The following STAB1 variants were observed in gnomAD, a reference collection of about 807,000 sequenced individuals.
The protein encoded by STAB1 is stabilin 1.
A neutral mutation model predicts 332.4 loss-of-function variants in STAB1; 250 were observed. The observed-to-expected ratio is 0.75, with a 90% CI of 0.68 to 0.84. STAB1 has a LOEUF of 0.84. Among genes scored for constraint, STAB1 ranks in the 40% least tolerant of loss-of-function variants. The pLI is 0.00. For synonymous variants in STAB1, 1,475 were observed against 1,390.4 expected (o/e 1.06, Z -1.35); for missense variants, 3,249 against 3,489.7 (o/e 0.93, Z 1.74).
At position 52,520,487 on chromosome 3, in the gene STAB1, C is replaced by G; in HGVS notation, c.5587C>G (p.Leu1863Val). The G allele has an allele frequency of 6.2e-7, 1 of 1,612,658 alleles. No homozygotes were observed. Among genetic ancestry groups the G allele is most frequent in the East Asian group, 2.2e-5 (1 of 44,878 alleles). The change falls in exon 53 of 69, where the codon CTG becomes GTG. Residue 1863 changes from leucine to valine, a missense_variant. Physicochemically the swap from Leu to Val is conservative, Grantham distance 32. Coordinates refer to ENST00000321725, the MANE Select transcript of STAB1 (RefSeq NM_015136.3). ...TGGCCTGGCCTATGGCATCGACCAG[C>G]TGCTGGAGCCACCTGGCCTTGGTGC... ...EGGLAYGIDQ[L>V]LEPPGLGARC...
In STAB1 at chr3:52,519,317, C is replaced by G. The variant is rs148690473; in HGVS notation, c.5088C>G (p.Ala1696=). 98 of 1,613,014 alleles carry G rather than the reference C, an allele frequency of 6.1e-5. No homozygotes were observed. In the African/African-American group the frequency reaches 1.0e-3, roughly 17 times the overall value. The stretch of plus-strand genomic sequence containing the variant: ...GCGTGGTGAGCAGCGACCATGAGGC[C>G]GTGAACGGCATCCTGCACTTCATTG... ...FARVVSSDHE[A]VNGILHFIDR... Residue 1696 remains alanine, a synonymous_variant, in exon 49 of 69, where the codon GCC becomes GCG. Coordinates refer to ENST00000321725, the MANE Select transcript of STAB1 (RefSeq NM_015136.3).
At position 52,520,451 on chromosome 3, in the gene STAB1, C is replaced by A; in HGVS notation, c.5551C>A (p.Pro1851Thr). 4 of 1,612,794 alleles carry A rather than the reference C, an allele frequency of 2.5e-6. No individual in the cohort carries two copies. The highest frequency in any genetic ancestry group is 3.4e-6 in the Non-Finnish European group (4 of 1,179,882). ...TGCTCGCATTGTGCAGCGGCACTTG[C>A]CCTTTGAGGGTGGCCTGGCCTATGG... ...DDARIVQRHL[P>T]FEGGLAYGID... Residue 1851 changes from proline (P) to threonine (T), a missense_variant, in exon 53 of 69, where the codon CCC (proline) becomes ACC (threonine). Pro to Thr is a conservative substitution (Grantham distance 38). Transcript: ENST00000321725.
chr3:52,513,294 G>C, intron 30 of STAB1, 53 bp downstream of exon 30: 1 of 1,499,762 alleles, frequency 6.7e-7, no homozygotes, highest in Non-Finnish European at 9.0e-7. Flanking sequence ...ATGGGAGGGA[G>C]CCTGAGTGGC....
intron 41 of STAB1, 102 bp downstream of exon 41, chr3:52,516,870 C>T: frequency 6.3e-7 from 1 of 1,595,358 alleles, no homozygotes; most frequent in Non-Finnish European, 8.6e-7. Flanking sequence ...CTCACTGTCC[C>T]ATCTCAGGAC....
chr3:52,506,390 G>A, intron 17 of STAB1, 140 bp downstream of exon 17: 1 of 828,648 alleles, frequency 1.2e-6, no homozygotes, highest in East Asian at 2.7e-5. Flanking sequence ...GAAGGAAGCA[G>A]GCAGAGATCA....
chr3:52,512,851 C>A lies in STAB1; in HGVS notation c.3051C>A (p.Ala1017=). The A allele has an allele frequency of 1.9e-6, 3 of 1,609,956 alleles. No individual in the cohort carries two copies. Among genetic ancestry groups the A allele is most frequent in the Non-Finnish European group, 2.5e-6 (3 of 1,179,864 alleles). The change falls in exon 29 of 69, where the codon GCC becomes GCA. Residue 1017 remains alanine (A), a synonymous_variant. Coordinates refer to ENST00000321725, the MANE Select transcript of STAB1 (RefSeq NM_015136.3). ...WLKSAGITLP[A]DRRVTALVPS... is the part of the protein sequence containing the mutation. Reference sequence around the variant, plus strand: ...AGAGTGCCGGCATCACGCTTCCTGCCGACCGCCGAGTCACAGCCCTGGTGC... The same window carrying A: ...AGAGTGCCGGCATCACGCTTCCTGCAGACCGCCGAGTCACAGCCCTGGTGC...
chr3:52,524,427 G>A lies in STAB1; in HGVS notation c.*71G>A. ...TTTTATTGCTTGTCTGGGTGGATGGGGCAGGAGGGGCTGAGGGCCTGTCCC... is the reference window on the plus strand; with the variant it reads ...TTTTATTGCTTGTCTGGGTGGATGGAGCAGGAGGGGCTGAGGGCCTGTCCC... On this transcript the variant is annotated 3_prime_UTR_variant, in exon 69 of 69. Transcript: ENST00000321725. 6.2e-7 allele frequency: 1 copy of A among 1,612,176 alleles called. No homozygotes were observed. The highest frequency in any genetic ancestry group is 8.5e-7 in the Non-Finnish European group (1 of 1,179,330).
At position 52,520,861 on chromosome 3, in the gene STAB1, C is replaced by T. The variant is rs906044245; in HGVS notation, c.5764C>T (p.His1922Tyr). ...GAAGTTCTGGACGTCCCCTCCGCTG[C>T]ACTCTTTGGGATTACGCAGCGTCTG... ...YPKFWTSPPL[H>Y]SLGLRSVWVH... The change falls in exon 55 of 69, where the codon CAC becomes TAC. Residue 1922 changes from histidine to tyrosine, a missense_variant. His to Tyr is a moderately conservative substitution (Grantham distance 83). Transcript: ENST00000321725. 1.9e-6 allele frequency: 3 copies of T among 1,612,694 alleles called. No individual in the cohort carries two copies. Among genetic ancestry groups the T allele is most frequent in the South Asian group, 1.1e-5 (1 of 91,084 alleles).
At chr3:52,510,292 C>T in intron 24 of STAB1, 57 bp downstream of exon 24, 4 of 1,613,828 alleles carry the variant, frequency 2.5e-6, no homozygotes, top group South Asian at 2.2e-5. Context: ...GGTGGGATGC[C>T]CTGGCCCTCT....
At position 52,521,941 on chromosome 3, in the gene STAB1, T is replaced by C. The variant is rs9853056; in HGVS notation, c.6261T>C (p.Arg2087=). The C allele has an allele frequency of 0.56, 897,104 of 1,607,774 alleles. 254,042 individuals are homozygous for C. The highest frequency in any genetic ancestry group is 0.71 in the African/African-American group (53,365 of 74,906). ...ECSLGYEGDG[R]VCTVADLCQD... ...GCCTGGGCTATGAAGGGGATGGCCG[T>C]GTGTGTACAGGTAAGCAGATGGGCG... Residue 2087 remains arginine (R), a synonymous_variant, in exon 58 of 69, where the codon CGT becomes CGC. Coordinates refer to ENST00000321725, the MANE Select transcript of STAB1 (RefSeq NM_015136.3).
At position 52,517,323 on chromosome 3, in the gene STAB1, T is replaced by C. The variant is rs756996216; in HGVS notation, c.4493T>C (p.Ile1498Thr). The change falls in exon 43 of 69, where the codon ATT becomes ACT. Residue 1498 changes from isoleucine (I) to threonine (T), a missense_variant. Transcript: ENST00000321725. ...ATCCCAGTGTCTCTTCCCCCAGAAATTAACAGCTGTCTCATCCACCACGGG... is the reference window on the plus strand; with the variant it reads ...ATCCCAGTGTCTCTTCCCCCAGAAACTAACAGCTGTCTCATCCACCACGGG... The part of the protein sequence containing the change: ...YMGDGELCQE[I>T]NSCLIHHGGC... 3.2e-6 allele frequency: 5 copies of C among 1,577,332 alleles called. No homozygotes were observed. In the East Asian group the frequency reaches 1.1e-4, roughly 35 times the overall value.
intron 30 of STAB1, among the ~76,000 whole-genome samples, chr3:52,513,484 C>T (rs765719109): frequency 1.2e-4 from 19 of 152,328 alleles, no homozygotes; most frequent in Non-Finnish European, 2.6e-4. Context: ...CACACCCGCC[C>T]CTGTCACCAC....
Position 52,514,694 on chromosome 3 carries a change from TC to T in STAB1, c.3679-3del, listed in dbSNP as rs1559702089. Reference sequence around the variant, plus strand: ...TGGGTGGATTCAGCCTCCATCCCTCTCCCCAGCCTGAGGTGAACCATGTGCC... The same window carrying T: ...TGGGTGGATTCAGCCTCCATCCCTCTCCCAGCCTGAGGTGAACCATGTGCC... On this transcript the variant is annotated splice_region_variant and splice_polypyrimidine_tract_variant and intron_variant, in intron 34 of 68. Coordinates refer to ENST00000321725, the MANE Select transcript of STAB1 (RefSeq NM_015136.3). 6.2e-7 allele frequency: 1 copy of T among 1,612,732 alleles called. No individual in the cohort carries two copies. Among genetic ancestry groups the T allele is most frequent in the Non-Finnish European group, 8.5e-7 (1 of 1,179,902 alleles).
intron 1 of STAB1, among the ~76,000 whole-genome samples, chr3:52,498,307 C>T (rs1195036349): frequency 2.0e-5 from 3 of 152,194 alleles, no homozygotes; most frequent in Non-Finnish European, 2.9e-5. Flanking sequence ...GGCTCAGTCC[C>T]GAGGTGCCCC....
chr3:52,515,381 C>T (rs2078826419), intron 36 of STAB1, 42 bp from the exon 37 acceptor site: 1 of 1,600,058 alleles, frequency 6.2e-7, no homozygotes, highest in African/African-American at 1.3e-5. Context: ...CTGCCCCTGC[C>T]CAAGCCACTG....
chr3:52,501,107 C>T (rs1708411038), intron 1 of STAB1, 59 bp from the exon 2 acceptor site: 1 of 1,581,650 alleles, frequency 6.3e-7, no homozygotes, highest in African/African-American at 1.3e-5. Context: ...GCACTGAGGA[C>T]AGGGTCAGGA....
intron 10 of STAB1, 97 bp from the exon 11 acceptor site, chr3:52,504,364 C>A: frequency 1.4e-6 from 2 of 1,425,480 alleles, no homozygotes; most frequent in Non-Finnish European, 2.0e-6. Flanking sequence ...ATACCCCCAC[C>A]CCAACTCCCC....
At chr3:52,518,143 G>A (rs2078938577) in intron 45 of STAB1, 140 bp downstream of exon 45, 3 of 1,493,786 alleles carry the variant, frequency 2.0e-6, no homozygotes, top group Non-Finnish European at 1.8e-6. Context: ...TTGTACCTGG[G>A]CCTGACCCCA....
intron 24 of STAB1, 40 bp downstream of exon 24, chr3:52,510,275 G>A (rs1461929290): frequency 6.2e-7 from 1 of 1,614,004 alleles, no homozygotes; most frequent in African/African-American, 1.3e-5. Context: ...CTGACCCAGA[G>A]GCAGGAGGTG....
Sources: allele counts gnomAD v4.1 joint callset (sites outside exome capture counted in the v4.1 genomes callset), GRCh38; gene constraint gnomAD v4.1.1; transcripts MANE v1.5; gene names NCBI Gene and HGNC (gene_info 2026-07-23, HGNC 2026-07-21).